ASPH: variants seen among roughly 807,000 people sequenced by gnomAD.
The protein encoded by ASPH is aspartate beta-hydroxylase, also known as aspartyl/asparaginyl beta-hydroxylase.
In ASPH, 100 loss-of-function variants were observed where a neutral mutation model predicts 118.4. The ratio of observed to expected loss-of-function variants is 0.84; its 90% confidence interval spans 0.72 to 1.00. The LOEUF (loss-of-function observed/expected upper bound fraction) is 1.00, where lower values mean the gene tolerates loss of function less well. ASPH is among the 50% of genes least tolerant of loss of function. ASPH has a pLI of 0.00. For synonymous variants in ASPH, 315 were observed against 325.6 expected, an observed-to-expected ratio of 0.97 and a Z score of 0.35; for missense variants, 920 against 919.5, an observed-to-expected ratio of 1.00 and a Z score of -0.01.
Position 61,505,480 on chromosome 8 carries a change from C to G in ASPH, c.2127-1971G>C, listed in dbSNP as rs1806129236. The stretch of plus-strand genomic sequence containing the variant: ...CTGTGCTCCAGACTGAGTGACAGAG[C>G]AAGACTCCATCTCAAAAAAAAAAAA... On this transcript the variant is annotated intron_variant, in intron 24 of 24. Coordinates refer to ENST00000379454, the MANE Select transcript of ASPH (RefSeq NM_004318.4). Among the ~76,000 whole-genome samples the G allele has an allele frequency of 2.6e-5, 3 of 117,612 alleles. No individual in the cohort carries two copies. The Admixed American group carries it at 3.1e-4, about 12-fold the overall frequency. 77.2% of individuals were successfully genotyped at this position (117,612 alleles called of 152,430 possible). A position where few individuals can be genotyped will look rare whatever the true frequency, so the allele number is the denominator to read the frequency against.
intron 3 of ASPH, among the ~76,000 whole-genome samples, chr8:61,673,244 A>C (rs972069075): frequency 2.6e-5 from 4 of 152,196 alleles, no homozygotes; most frequent in Admixed American, 6.5e-5. Context: ...CCAGGGCAGC[A>C]GGCTGACAGC....
intron 1 of ASPH, among the ~76,000 whole-genome samples, chr8:61,691,592 C>T (rs972413816): frequency 8.5e-5 from 13 of 152,288 alleles, no homozygotes; most frequent in Admixed American, 8.5e-4. Flanking sequence ...ACACGATACC[C>T]CCATGGGTGA....
rs774928261 is a variant in ASPH at position 61,684,027 on chromosome 8, CA to C, written c.253+11del. The C allele has an allele frequency of 4.3e-6, 7 of 1,610,000 alleles. No homozygotes were observed. The East Asian group carries it at 1.6e-4, about 36-fold the overall frequency. ...CTCTTACAAATTCACATAAGGATATCAAAATTCTTACCTAGAACTTCCTCAT... is the reference window on the plus strand; with the variant it reads ...CTCTTACAAATTCACATAAGGATATCAAATTCTTACCTAGAACTTCCTCAT... On this transcript the variant is annotated intron_variant, in intron 2 of 24. Coordinates refer to ENST00000379454, the MANE Select transcript of ASPH (RefSeq NM_004318.4).
At chr8:61,685,791 AT>A (rs778617779) in intron 1 of ASPH, among the ~76,000 whole-genome samples, 1,451 of 144,162 alleles carry the variant, frequency 0.01, 9 homozygotes, top group African/African-American at 0.023. Context: ...ATGTAGATAA[AT>A]TTTTTTTTTT....
Position 61,712,292 on chromosome 8 carries a change from TC to T in ASPH, c.103+1976del, listed in dbSNP as rs1838237480. 2.0e-5 allele frequency among the ~76,000 whole-genome samples: 3 copies of T among 152,214 alleles called. No homozygotes were observed. In the South Asian group the frequency reaches 6.2e-4, roughly 32 times the overall value. On this transcript the variant is annotated intron_variant, in intron 1 of 24. Transcript: ENST00000379454. The stretch of plus-strand genomic sequence containing the variant: ...TTAAAAGAAAAGCCGGCTTTATCTT[TC>T]GAGTACAGCCTACTATACACGACAC...
intron 14 of ASPH, among the ~76,000 whole-genome samples, chr8:61,601,940 C>A (rs1844115267): frequency 6.6e-6 from 1 of 151,352 alleles, no homozygotes; most frequent in Admixed American, 6.6e-5. Context: ...AAACAAATAA[C>A]CTGAATATCT....
chr8:61,521,917 C>A (rs1328750962), intron 22 of ASPH, among the ~76,000 whole-genome samples: 1 of 152,108 alleles, frequency 6.6e-6, no homozygotes. Context: ...CATGACAATT[C>A]TGATCAGTTG....
chr8:61,673,938 T>C (rs1359448734), intron 3 of ASPH, among the ~76,000 whole-genome samples: 2 of 152,042 alleles, frequency 1.3e-5, no homozygotes, highest in African/African-American at 4.8e-5. Context: ...TAATGAGAGG[T>C]GGTACAAAAT....
chr8:61,669,113 G>A (rs369843400), intron 3 of ASPH, among the ~76,000 whole-genome samples: 21 of 152,242 alleles, frequency 1.4e-4, no homozygotes, highest in African/African-American at 4.8e-4. Context: ...CCTTTAGCCT[G>A]TCACTAAAGA....
chr8:61,664,559 T>C, intron 3 of ASPH: 1 of 985,098 alleles, frequency 1.0e-6, no homozygotes, highest in Middle Eastern at 5.2e-4. Flanking sequence ...GTGAGGTTGT[T>C]GTAGGGAGGT....
At chr8:61,669,826 A>C (rs1260842247) in intron 3 of ASPH, among the ~76,000 whole-genome samples, 1 of 152,216 alleles carries the variant, frequency 6.6e-6, no homozygotes, top group African/African-American at 2.4e-5. Flanking sequence ...TCTAGGTAAA[A>C]AGAGCTATAT....
intron 16 of ASPH, among the ~76,000 whole-genome samples, chr8:61,575,654 A>G (rs1351342094): frequency 6.6e-6 from 1 of 152,130 alleles, no homozygotes; most frequent in African/African-American, 2.4e-5. Context: ...AAGAATGTTC[A>G]CTGTATTGTA....
chr8:61,548,158 G>C lies in ASPH; in HGVS notation c.1677C>G (p.Val559=). ...TCACATTGTAGAGTGAGCGTTGCCA[G>C]ACAGATGCAAAGTGTCCTCTCTTGT... ...LGHKRGHFAS[V]WQRSLYNVNG... The change falls in exon 21 of 25, where the codon GTC becomes GTG. Residue 559 remains valine (V), a synonymous_variant. Transcript: ENST00000379454. The C allele has an allele frequency of 1.2e-6, 2 of 1,613,982 alleles. No homozygotes were observed. Among genetic ancestry groups the C allele is most frequent in the Non-Finnish European group, 1.7e-6 (2 of 1,179,900 alleles).
intron 15 of ASPH, chr8:61,579,579 C>A: frequency 6.6e-7 from 1 of 1,520,914 alleles, no homozygotes; most frequent in African/African-American, 1.4e-5. Flanking sequence ...CTCCCTCAGC[C>A]GCACCAGTTC....
chr8:61,662,801 A>G, intron 3 of ASPH: 1 of 970,412 alleles, frequency 1.0e-6, no homozygotes, highest in Non-Finnish European at 1.2e-6. Context: ...CAAAGGAAAA[A>G]TCAATGAGAT....
At chr8:61,619,767 T>C (rs1850277061) in intron 13 of ASPH, among the ~76,000 whole-genome samples, 1 of 152,218 alleles carries the variant, frequency 6.6e-6, no homozygotes, top group African/African-American at 2.4e-5. Flanking sequence ...GACTACTGTG[T>C]AAGGTAAATT....
chr8:61,624,289 C>A (rs888830747), intron 13 of ASPH: 1 of 985,118 alleles, frequency 1.0e-6, no homozygotes, highest in Non-Finnish European at 1.2e-6. Flanking sequence ...AGGTGCAGGA[C>A]AAAATCTACA....
At position 61,644,674 on chromosome 8, in the gene ASPH, A is replaced by G. The variant is rs140173224; in HGVS notation, c.620-42T>C. 20 of 1,503,414 alleles carry G rather than the reference A, an allele frequency of 1.3e-5. No homozygotes were observed. In the African/African-American group the frequency reaches 2.0e-4, roughly 15 times the overall value. The allele number at this position is 1,503,414 out of a possible 1,614,324, so 93.1% of individuals were successfully genotyped here. ...TAGATTGATATTTACTGCTTTTACAAAATGGTATGTATATATCCCGTATAT... is the reference window on the plus strand; with the variant it reads ...TAGATTGATATTTACTGCTTTTACAGAATGGTATGTATATATCCCGTATAT... On this transcript the variant is annotated intron_variant, in intron 6 of 24. Transcript: ENST00000379454.
intron 9 of ASPH, 130 bp from the exon 10 acceptor site, chr8:61,643,050 C>T: frequency 2.4e-6 from 2 of 844,070 alleles, no homozygotes; most frequent in Non-Finnish European, 1.8e-6. Flanking sequence ...AATGTCTGCT[C>T]AGTCAATAAT....
Sources: allele counts gnomAD v4.1 joint callset (sites outside exome capture counted in the v4.1 genomes callset), GRCh38; gene constraint gnomAD v4.1.1; transcripts MANE v1.5; gene names NCBI Gene and HGNC (gene_info 2026-07-23, HGNC 2026-07-21).